SIX2: variants seen among roughly 807,000 people sequenced by gnomAD.
SIX2 encodes the protein homeobox protein SIX2.
In SIX2, 20 loss-of-function variants were observed where a neutral mutation model predicts 22.8. The ratio of observed to expected loss-of-function variants is 0.88; its 90% confidence interval spans 0.62 to 1.28. SIX2 has a LOEUF of 1.28. SIX2 is among the 50% of genes most tolerant of loss of function. SIX2 has a pLI of 0.00. For missense variants in SIX2, 360 were observed against 400.0 expected, an observed-to-expected ratio of 0.90 and a Z score of 0.85; for synonymous variants, 195 against 186.4, an observed-to-expected ratio of 1.05 and a Z score of -0.37.
At position 45,006,369 on chromosome 2, in the gene SIX2, G is replaced by A. The variant is rs1196438825; in HGVS notation, c.677C>T (p.Ser226Leu). The change falls in exon 2 of 2, where the codon TCA (serine) becomes TTA (leucine). Residue 226 changes from serine (S) to leucine (L), a missense_variant. Coordinates refer to ENST00000303077, the MANE Select transcript of SIX2 (RefSeq NM_016932.5). This position sits in a 1 kb window ranked among gnomAD's most constrained non-coding sequence, Gnocchi z 4.2. The stretch of plus-strand genomic sequence containing the variant: ...GCTGAGGAGCAGTGCGGGGCTGGAT[G>A]ATGAGTGGTCTGGCGTCCCCGATGG... ...KTPSGTPDHS[S>L]SSPALLLSPP... is the part of the protein sequence containing the mutation. 1.2e-6 allele frequency: 2 copies of A among 1,614,200 alleles called. No individual in the cohort carries two copies. The highest frequency in any genetic ancestry group is 1.1e-5 in the South Asian group (1 of 91,080).
At position 45,005,617 on chromosome 2, in the gene SIX2, C is replaced by T. The variant is rs1372547829; in HGVS notation, c.*553G>A. On this transcript the variant is annotated 3_prime_UTR_variant, in exon 2 of 2. Coordinates refer to ENST00000303077, the MANE Select transcript of SIX2 (RefSeq NM_016932.5). ...AGGGCCAGAGGTAGGGGCAGATAGA[C>T]CACCAGTCAGGAGGAGAAAGACAGG... 5.7e-6 allele frequency: 1 copy of T among 176,652 alleles called. No homozygotes were observed. The highest frequency in any genetic ancestry group is 1.2e-5 in the Non-Finnish European group (1 of 81,596). 10.9% of individuals were successfully genotyped at this position (176,652 alleles called of 1,614,324 possible).
rs995837223 is a variant in SIX2 at position 45,008,465 on chromosome 2, C to A, written c.560+86G>T. ...GCCGGGCCTGGGGGCCCAGTTTAGGCCTCTCCGGGGGACCGGCAGAAGCCC... is the reference window on the plus strand; with the variant it reads ...GCCGGGCCTGGGGGCCCAGTTTAGGACTCTCCGGGGGACCGGCAGAAGCCC... On this transcript the variant is annotated intron_variant, in intron 1 of 1. Coordinates refer to ENST00000303077, the MANE Select transcript of SIX2 (RefSeq NM_016932.5). The A allele has an allele frequency of 9.7e-6, 14 of 1,448,892 alleles. No homozygotes were observed. In the Admixed American group the frequency reaches 2.2e-4, roughly 23 times the overall value. 89.8% of individuals were successfully genotyped at this position (1,448,892 alleles called of 1,614,324 possible).
chr2:45,005,902 G>GAA lies in SIX2; in HGVS notation c.*266_*267dup. 1.7e-6 allele frequency: 1 copy of GAA among 577,386 alleles called. No individual in the cohort carries two copies. The highest frequency in any genetic ancestry group is 3.0e-5 in the Admixed American group (1 of 33,778). 35.8% of individuals were successfully genotyped at this position (577,386 alleles called of 1,614,324 possible). ...AAAGGAAGAGACAGAGGGAGAGAGA[G>GAA]AATGACAGTGGTGTATAATTTATTC... On this transcript the variant is annotated 3_prime_UTR_variant, in exon 2 of 2. Coordinates refer to ENST00000303077, the MANE Select transcript of SIX2 (RefSeq NM_016932.5).
rs905376170 is a variant in SIX2, at chr2:45,006,049, G to T, written c.*121C>A. 8 of 1,063,966 alleles carry T rather than the reference G, an allele frequency of 7.5e-6. No homozygotes were observed. The highest frequency in any genetic ancestry group is 1.7e-5 in the Admixed American group (1 of 58,290). The allele number at this position is 1,063,966 out of a possible 1,614,324, so 65.9% of individuals were successfully genotyped here. A position where few individuals can be genotyped will look rare whatever the true frequency, so the allele number is the denominator to read the frequency against. ...TCTGCCCTACCCGGCTGTTCTACCC[G>T]CTCAGCCTGCGGGTCTTTCAGTACC... On this transcript the variant is annotated 3_prime_UTR_variant, in exon 2 of 2. Transcript: ENST00000303077. The surrounding 1 kb of genome is among the most constrained non-coding windows in gnomAD (Gnocchi z 4.2).
In SIX2 at chr2:45,005,967, A is replaced by T; in HGVS notation, c.*203T>A. 4.5e-6 allele frequency: 3 copies of T among 669,110 alleles called. No homozygotes were observed. The highest frequency in any genetic ancestry group is 2.3e-5 in the Admixed American group (1 of 44,292). The allele number at this position is 669,110 out of a possible 1,614,324, so 41.4% of individuals were successfully genotyped here. ...AGACTCAGTCTCCAGCCCCAAAAGG[A>T]TCCTAAAAGTAACTTGTTGAAAATA... On this transcript the variant is annotated 3_prime_UTR_variant, in exon 2 of 2. Coordinates refer to ENST00000303077, the MANE Select transcript of SIX2 (RefSeq NM_016932.5).
At position 45,006,893 on chromosome 2, in the gene SIX2, C is replaced by G. The variant is rs1667775827; in HGVS notation, c.561-408G>C. 6.6e-6 allele frequency among the ~76,000 whole-genome samples: 1 copy of G among 152,204 alleles called. No homozygotes were observed. Among genetic ancestry groups the G allele is most frequent in the Non-Finnish European group, 1.5e-5 (1 of 68,046 alleles). On this transcript the variant is annotated intron_variant, in intron 1 of 1. Transcript: ENST00000303077. This position sits in a 1 kb window ranked among gnomAD's most constrained non-coding sequence, Gnocchi z 4.2. ...TTCAGATCACTCTAGGCTCCACAAG[C>G]CAGGTTTGCTGGGTAGATGTGGGGC...
chr2:45,008,534 G>C lies in SIX2; in HGVS notation c.560+17C>G, dbSNP rs1401970860. On this transcript the variant is annotated intron_variant, in intron 1 of 1. Coordinates refer to ENST00000303077, the MANE Select transcript of SIX2 (RefSeq NM_016932.5). ...GCCCCGGGGAGCTGGCGCCGAAGAA[G>C]GTCTACTTACTCGTACCTTTCCTTG... 6.2e-7 allele frequency: 1 copy of C among 1,612,090 alleles called. No individual in the cohort carries two copies. Among genetic ancestry groups the C allele is most frequent in the Non-Finnish European group, 8.5e-7 (1 of 1,179,522 alleles).
rs544554754 is a variant in SIX2 at position 45,006,780 on chromosome 2, A to T, written c.561-295T>A. ...ATATTTCCTCTTTCCCCCCTTCCCCAATATTTCTTTTCAGGAACAGAGGTG... is the reference window on the plus strand; with the variant it reads ...ATATTTCCTCTTTCCCCCCTTCCCCTATATTTCTTTTCAGGAACAGAGGTG... On this transcript the variant is annotated intron_variant, in intron 1 of 1. Coordinates refer to ENST00000303077, the MANE Select transcript of SIX2 (RefSeq NM_016932.5). This position sits in a 1 kb window ranked among gnomAD's most constrained non-coding sequence, Gnocchi z 4.2. Among the ~76,000 whole-genome samples the T allele has an allele frequency of 6.6e-6, 1 of 151,942 alleles. No homozygotes were observed. The highest frequency in any genetic ancestry group is 1.9e-4 in the East Asian group (1 of 5,170).
In SIX2 at chr2:45,006,301, G is replaced by A. The variant is rs772787033; in HGVS notation, c.745C>T (p.Pro249Ser). 159 of 1,613,884 alleles carry A rather than the reference G, an allele frequency of 9.9e-5. No homozygotes were observed. Among genetic ancestry groups the A allele is most frequent in the Non-Finnish European group, 1.3e-4 (154 of 1,179,926 alleles). Residue 249 changes from proline to serine, a missense_variant, in exon 2 of 2, where the codon CCT becomes TCT. By Grantham distance (74) the Pro-to-Ser change is moderately conservative. Transcript: ENST00000303077. This position sits in a 1 kb window ranked among gnomAD's most constrained non-coding sequence, Gnocchi z 4.2. ...GLPSLHSLGH[P>S]PGPSAVPVPV... ...ACTGGCACTGCGCTGGGGCCCGGAG[G>A]GTGGCCCAGGCTGTGCAGGGACGGC...
chr2:45,009,052 A>G lies in SIX2; in HGVS notation c.59T>C (p.Val20Ala), dbSNP rs1402361886. The change falls in exon 1 of 2, where the codon GTG (valine) becomes GCG (alanine). Residue 20 changes from valine (V) to alanine (A), a missense_variant. By Grantham distance (64) the Val-to-Ala change is moderately conservative. This residue lies in a region of SIX2 where 118 missense variants were observed against 135.1 expected (regional missense o/e 0.87). Transcript: ENST00000303077. ...CTCGATGTTGCCGCCCTGCTGCAGC[A>G]CCTCGCACACGCACGCCACTTGCTC... ...TQEQVACVCE[V>A]LQQGGNIERL... 8 of 1,604,964 alleles carry G rather than the reference A, an allele frequency of 5.0e-6. No individual in the cohort carries two copies. In the South Asian group the frequency reaches 8.8e-5, roughly 18 times the overall value.
chr2:45,006,336 G>A lies in SIX2; in HGVS notation c.710C>T (p.Pro237Leu). Reference protein sequence around the residue: ...SSPALLLSPPPPGLPSLHSLG... With the variant: ...SSPALLLSPPLPGLPSLHSLG... ...GCTGTGCAGGGACGGCAGCCCAGGG[G>A]GCGGCGGGCTGAGGAGCAGTGCGGG... The change falls in exon 2 of 2, where the codon CCC becomes CTC. Residue 237 changes from proline to leucine, a missense_variant. Pro to Leu is a moderately conservative substitution (Grantham distance 98). Coordinates refer to ENST00000303077, the MANE Select transcript of SIX2 (RefSeq NM_016932.5). The surrounding 1 kb of genome is among the most constrained non-coding windows in gnomAD (Gnocchi z 4.2). 1 of 1,614,018 alleles carries A rather than the reference G, an allele frequency of 6.2e-7. No homozygotes were observed.
At chr2:45,008,349 G>T (rs1282768693) in intron 1 of SIX2, among the ~76,000 whole-genome samples, 1 of 152,250 alleles carries the variant, frequency 6.6e-6, no homozygotes, top group Non-Finnish European at 1.5e-5. Flanking sequence ...GAATTGCTCT[G>T]CCCGCTTTAG....
Position 45,008,561 on chromosome 2 carries a change from C to T in SIX2, c.550G>A (p.Ala184Thr). 1 of 1,613,742 alleles carries T rather than the reference C, an allele frequency of 6.2e-7. No homozygotes were observed. The change falls in exon 1 of 2, where the codon GCC (alanine) becomes ACC (threonine). Residue 184 changes from alanine to threonine, a missense_variant. Ala to Thr is a moderately conservative substitution (Grantham distance 58, BLOSUM62 0). This residue lies in a region of SIX2 where 235 missense variants were observed against 231.9 expected (regional missense o/e 1.01). Transcript: ENST00000303077. ...TCTACTTACTCGTACCTTTCCTTGG[C>T]CTCGGCCGCCCGGTCGCGCTGCCGC... ...NRRQRDRAAE[A>T]KERENNENSN...
chr2:45,006,424 C>T lies in SIX2; in HGVS notation c.622G>A (p.Val208Met), dbSNP rs1190926704. ...TTCTCATCCTCCGAGCTGCCTAACA[C>T]CGACTTGCCGCTGCCATTCAGCGGG... ...HNPLNGSGKS[V>M]LGSSEDEKTP... The change falls in exon 2 of 2, where the codon GTG (valine) becomes ATG (methionine). Residue 208 changes from valine (V) to methionine (M), a missense_variant. Coordinates refer to ENST00000303077, the MANE Select transcript of SIX2 (RefSeq NM_016932.5). The surrounding 1 kb of genome is among the most constrained non-coding windows in gnomAD (Gnocchi z 4.2). 1 of 1,614,066 alleles carries T rather than the reference C, an allele frequency of 6.2e-7. No individual in the cohort carries two copies. Among genetic ancestry groups the T allele is most frequent in the Non-Finnish European group, 8.5e-7 (1 of 1,180,046 alleles).
chr2:45,006,591 C>T lies in SIX2; in HGVS notation c.561-106G>A, dbSNP rs1171776172. 4.5e-6 allele frequency: 5 copies of T among 1,119,468 alleles called. No homozygotes were observed. Among genetic ancestry groups the T allele is most frequent in the South Asian group, 1.2e-5 (1 of 80,500 alleles). The allele number at this position is 1,119,468 out of a possible 1,614,324, so 69.3% of individuals were successfully genotyped here. ...GCCACCAGCCTCGGGAGACAGATCC[C>T]GGGCTTGTGGCCTGCGGGTGTTTTC... On this transcript the variant is annotated intron_variant, in intron 1 of 1. Coordinates refer to ENST00000303077, the MANE Select transcript of SIX2 (RefSeq NM_016932.5). This position sits in a 1 kb window ranked among gnomAD's most constrained non-coding sequence, Gnocchi z 4.2.
At chr2:45,008,015 C>A (rs1203864752) in intron 1 of SIX2, among the ~76,000 whole-genome samples, 1 of 152,186 alleles carries the variant, frequency 6.6e-6, no homozygotes, top group East Asian at 1.9e-4. Context: ...AGATAAAGGA[C>A]CCGCTCTCAA....
At position 45,006,089 on chromosome 2, in the gene SIX2, G is replaced by A. The variant is rs1667748687; in HGVS notation, c.*81C>T. On this transcript the variant is annotated 3_prime_UTR_variant, in exon 2 of 2. Coordinates refer to ENST00000303077, the MANE Select transcript of SIX2 (RefSeq NM_016932.5). This position sits in a 1 kb window ranked among gnomAD's most constrained non-coding sequence, Gnocchi z 4.2. ...CTTTCAGTACCTGGTGGGGCCGCAG[G>A]GGCGGGGCGCCCCTGGACACCGCCA... 21 of 1,495,650 alleles carry A rather than the reference G, an allele frequency of 1.4e-5. No homozygotes were observed. In the South Asian group the frequency reaches 2.0e-4, roughly 14 times the overall value. 92.6% of individuals were successfully genotyped at this position (1,495,650 alleles called of 1,614,324 possible).
In SIX2 at chr2:45,008,571, C is replaced by G; in HGVS notation, c.540G>C (p.Arg180=). 3.1e-6 allele frequency: 5 copies of G among 1,613,896 alleles called. No individual in the cohort carries two copies. The highest frequency in any genetic ancestry group is 4.2e-6 in the Non-Finnish European group (5 of 1,179,956). ...NWFKNRRQRD[R]AAEAKERENN... ...CGTACCTTTCCTTGGCCTCGGCCGCCCGGTCGCGCTGCCGCCGGTTCTTGA... is the reference window on the plus strand; with the variant it reads ...CGTACCTTTCCTTGGCCTCGGCCGCGCGGTCGCGCTGCCGCCGGTTCTTGA... Residue 180 remains arginine (R), a synonymous_variant, in exon 1 of 2, where the codon CGG becomes CGC. Transcript: ENST00000303077.
At chr2:45,008,148 C>G (rs1667799301) in intron 1 of SIX2, among the ~76,000 whole-genome samples, 1 of 152,210 alleles carries the variant, frequency 6.6e-6, no homozygotes, top group Non-Finnish European at 1.5e-5. Flanking sequence ...GGGGAAATGC[C>G]GGGAAGCACC....
Sources: gnomAD v4.1 joint callset for allele counts (sites outside exome capture counted in the v4.1 genomes callset) on GRCh38, gnomAD v4.1.1 for gene constraint, gnomAD v4.1.1 regional missense constraint, Gnocchi (gnomAD v3.1) non-coding constraint, MANE v1.5 for transcripts, NCBI Gene and HGNC (gene_info 2026-07-23, HGNC 2026-07-21) for gene names.